Variants in MTMR3 observed in about 807,000 individuals in gnomAD.
MTMR3 encodes phosphatidylinositol-3,5-bisphosphate 3-phosphatase MTMR3.
In MTMR3, 32 loss-of-function variants were observed where a neutral mutation model predicts 132.4. The ratio of observed to expected loss-of-function variants is 0.24; its 90% CI spans 0.18 to 0.32. MTMR3 has a LOEUF of 0.32. Ranked by LOEUF, MTMR3 falls within the 10% of genes least tolerant of loss-of-function variation. The pLI, the probability that MTMR3 is intolerant of heterozygous loss-of-function variation, is 1.00. For synonymous variants in MTMR3, 556 were observed against 550.3 expected (o/e 1.01, Z -0.14); for missense variants, 1,216 against 1,489.6 (o/e 0.82, Z 3.02).
At position 30,009,137 on chromosome 22, in the gene MTMR3, C is replaced by G; in HGVS notation, c.1121+8C>G. On this transcript the variant is annotated splice_region_variant and intron_variant, in intron 12 of 19. Coordinates refer to ENST00000401950, the MANE Select transcript of MTMR3 (RefSeq NM_021090.4). ...GATGCCAGATCCGGGAAAGTAAGTC[C>G]TTGGCCTTGGCTTTCATTTTGCATT... 1 of 1,564,228 alleles carries G rather than the reference C, an allele frequency of 6.4e-7. No homozygotes were observed.
intron 1 of MTMR3, among the ~76,000 whole-genome samples, chr22:29,918,829 G>A (rs572583178): frequency 8.3e-4 from 126 of 152,318 alleles, no homozygotes; most frequent in Middle Eastern, 6.8e-3. Context: ...ATTCTAAAAG[G>A]TAGAAGGACA....
chr22:29,991,248 T>C (rs1164870174), intron 6 of MTMR3: 19 of 276,436 alleles, frequency 6.9e-5, no homozygotes, highest in Non-Finnish European at 1.3e-4. Flanking sequence ...TCATTAATCT[T>C]AGAAGAGATT....
chr22:29,945,773 A>G (rs1286656221), intron 1 of MTMR3, among the ~76,000 whole-genome samples: 2 of 152,058 alleles, frequency 1.3e-5, no homozygotes, highest in Non-Finnish European at 2.9e-5. Context: ...GGCCTTGTCC[A>G]GATGGATAAA....
In MTMR3 at chr22:30,022,705, T is replaced by C; in HGVS notation, c.3425+8T>C. The C allele has an allele frequency of 6.2e-7, 1 of 1,603,024 alleles. No individual in the cohort carries two copies. Among genetic ancestry groups the C allele is most frequent in the Non-Finnish European group, 8.5e-7 (1 of 1,177,914 alleles). On this transcript the variant is annotated splice_region_variant and intron_variant, in intron 19 of 19. Coordinates refer to ENST00000401950, the MANE Select transcript of MTMR3 (RefSeq NM_021090.4). ...CAGGAAGCACCACTGCAGGTACCAT[T>C]GAGGGGCTGTGGTAGGGTGGGCTGT... is the stretch of plus-strand genomic sequence containing the variant.
At chr22:29,955,406 A>C (rs781329885) in intron 1 of MTMR3, among the ~76,000 whole-genome samples, 2 of 152,226 alleles carry the variant, frequency 1.3e-5, no homozygotes, top group Non-Finnish European at 2.9e-5. Context: ...ATACTCTTGC[A>C]GGAAAAGGTT....
intron 1 of MTMR3, among the ~76,000 whole-genome samples, chr22:29,928,535 AT>A (rs2065572719): frequency 1.3e-5 from 2 of 151,920 alleles, no homozygotes; most frequent in African/African-American, 4.8e-5. Flanking sequence ...ACCAAATGAT[AT>A]GTAGCTTTCT....
At chr22:29,954,839 A>C (rs1315049953) in intron 1 of MTMR3, among the ~76,000 whole-genome samples, 2 of 152,152 alleles carry the variant, frequency 1.3e-5, no homozygotes, top group Admixed American at 1.3e-4. Context: ...GTCACTGTTA[A>C]AGCCAGCATA....
At chr22:29,907,886 A>G (rs2065134444) in intron 1 of MTMR3, among the ~76,000 whole-genome samples, 1 of 152,198 alleles carries the variant, frequency 6.6e-6, no homozygotes, top group Non-Finnish European at 1.5e-5. Context: ...TAAAGCCAAC[A>G]AAGAGCACAC....
chr22:29,960,394 G>A (rs535072436), intron 2 of MTMR3, among the ~76,000 whole-genome samples: 43 of 152,264 alleles, frequency 2.8e-4, no homozygotes, highest in African/African-American at 9.4e-4. Flanking sequence ...AATACATACT[G>A]AAGTAGTAAG....
chr22:29,896,269 C>CAG (rs2064893822), intron 1 of MTMR3, among the ~76,000 whole-genome samples: 1 of 152,174 alleles, frequency 6.6e-6, no homozygotes, highest in Admixed American at 6.5e-5. Context: ...CAGATCACAC[C>CAG]ACTGCACTCC....
intron 19 of MTMR3, chr22:30,024,670 T>C (rs1042751494): frequency 3.3e-5 from 5 of 152,236 alleles, no homozygotes; most frequent in African/African-American, 4.8e-5. Context: ...CCCCAGTCTT[T>C]GGTGGGCTGT....
At chr22:30,007,743 G>GA (rs1423581308) in intron 10 of MTMR3, 158 bp from the exon 11 acceptor site, 26 of 857,138 alleles carry the variant, frequency 3.0e-5, no homozygotes, top group Non-Finnish European at 4.2e-5. Flanking sequence ...AGGCCACATA[G>GA]AAAAAAAGAG....
At chr22:29,945,718 GA>G (rs67054738) in intron 1 of MTMR3, among the ~76,000 whole-genome samples, 9,245 of 124,392 alleles carry the variant, frequency 0.074, 517 homozygotes, top group South Asian at 0.26. Context: ...AAATGAAAAA[GA>G]AAAAAAAAAA....
chr22:30,016,408 G>A (rs1001837004), intron 14 of MTMR3, 120 bp from the exon 15 acceptor site: 28 of 1,183,736 alleles, frequency 2.4e-5, no homozygotes, highest in African/African-American at 1.1e-4. Context: ...TGGGTTCCCC[G>A]TCCTGACAGA....
intron 2 of MTMR3, among the ~76,000 whole-genome samples, chr22:29,969,138 A>T (rs557901148): frequency 3.3e-5 from 5 of 152,268 alleles, no homozygotes; most frequent in Non-Finnish European, 7.4e-5. Context: ...TGGATATGTG[A>T]TAGGTTTTCA....
intron 1 of MTMR3, among the ~76,000 whole-genome samples, chr22:29,917,834 A>T (rs2065337811): frequency 6.6e-6 from 1 of 152,230 alleles, no homozygotes; most frequent in South Asian, 2.1e-4. Flanking sequence ...AGTCATTTAT[A>T]CATAAATTGA....
chr22:29,914,389 T>G (rs2065270998), intron 1 of MTMR3, among the ~76,000 whole-genome samples: 1 of 152,248 alleles, frequency 6.6e-6, no homozygotes, highest in Non-Finnish European at 1.5e-5. Flanking sequence ...ATTTGCCATT[T>G]ATATGTCTTT....
intron 16 of MTMR3, 22 bp from the exon 17 acceptor site, chr22:30,019,458 C>T: frequency 6.4e-7 from 1 of 1,569,286 alleles, no homozygotes; most frequent in Non-Finnish European, 8.6e-7. Flanking sequence ...ATTTTCATTT[C>T]CCCCAAATTC....
chr22:29,966,437 G>A (rs188671378), intron 2 of MTMR3, among the ~76,000 whole-genome samples: 2 of 152,144 alleles, frequency 1.3e-5, no homozygotes, highest in East Asian at 3.9e-4. Flanking sequence ...TTCTATGTCG[G>A]TCTTTTGTCT....
Sources: allele counts gnomAD v4.1 joint callset (sites outside exome capture counted in the v4.1 genomes callset), GRCh38; gene constraint gnomAD v4.1.1; transcripts MANE v1.5; gene names NCBI Gene and HGNC (gene_info 2026-07-23, HGNC 2026-07-21).